SCAF11: variants seen among roughly 807,000 people sequenced by gnomAD.
SCAF11 encodes protein SCAF11.
SCAF11 carries 47 observed loss-of-function variants against 140.5 expected under a neutral mutation model. The ratio of observed to expected loss-of-function variants is 0.33; its 90% confidence interval spans 0.26 to 0.43. SCAF11 has a LOEUF of 0.43. Among genes scored for constraint, SCAF11 ranks in the 20% least tolerant of loss-of-function variants. The probability of loss-of-function intolerance (pLI) is 1.00; values close to 1 mark genes in which losing one functional copy is unlikely to be tolerated. For synonymous variants in SCAF11, 557 were observed against 579.4 expected (o/e 0.96, Z 0.55); for missense variants, 1,645 against 1,705.1 (o/e 0.96, Z 0.62).
In SCAF11 at chr12:45,926,791, C is replaced by G; in HGVS notation, c.2910G>C (p.Trp970Cys). The change falls in exon 11 of 15, where the codon TGG (tryptophan) becomes TGC (cysteine). Residue 970 changes from tryptophan (W) to cysteine (C), a missense_variant. Physicochemically the swap from Trp to Cys is radical, Grantham distance 215. Transcript: ENST00000369367. ...GTGGACATCTCCAACCATCATTTGC[C>G]CATCTTCCCTTCCACCGGGGAGAGT... Reference protein sequence around the residue: ...DSYSPRWKGRWANDGWRCPRG... With the variant: ...DSYSPRWKGRCANDGWRCPRG... The G allele has an allele frequency of 6.2e-7, 1 of 1,614,102 alleles. No individual in the cohort carries two copies. The highest frequency in any genetic ancestry group is 1.3e-5 in the African/African-American group (1 of 75,018).
chr12:45,956,934 T>C (rs1945703419), intron 3 of SCAF11, among the ~76,000 whole-genome samples: 2 of 152,116 alleles, frequency 1.3e-5, no homozygotes, highest in Non-Finnish European at 2.9e-5. Context: ...TACTAAAAAA[T>C]TTCCCAAAGG....
In SCAF11 at chr12:45,928,804, C is replaced by T. The variant is rs1414181148; in HGVS notation, c.897G>A (p.Lys299=). ...TGGTATTTGATGTACCAGAAGTTTG[C>T]TTCTTTTCTTCCCCTTCTTGAGTAT... The part of the protein sequence containing the change: ...LAHTQEGEEK[K]QTSGTSNTRG... The change falls in exon 11 of 15, where the codon AAG becomes AAA. Residue 299 remains lysine (K), a synonymous_variant. Coordinates refer to ENST00000369367, the MANE Select transcript of SCAF11 (RefSeq NM_004719.3). The T allele has an allele frequency of 1.9e-6, 3 of 1,612,756 alleles. No individual in the cohort carries two copies. Among genetic ancestry groups the T allele is most frequent in the South Asian group, 1.1e-5 (1 of 91,048 alleles).
chr12:45,965,482 C>A (rs1474519185), intron 1 of SCAF11, among the ~76,000 whole-genome samples: 1 of 152,070 alleles, frequency 6.6e-6, no homozygotes, highest in South Asian at 2.1e-4. Flanking sequence ...TTATTTTAAT[C>A]AACTTTTTTT....
upstream of SCAF11, chr12:45,991,762 C>T (rs1476891160): frequency 2.3e-5 from 14 of 604,752 alleles, no homozygotes; most frequent in Non-Finnish European, 2.9e-5. Context: ...AGCAAGCTTC[C>T]GGTTGCTCTG....
intron 2 of SCAF11, among the ~76,000 whole-genome samples, chr12:45,962,558 C>T (rs1315511177): frequency 3.3e-5 from 5 of 152,054 alleles, no homozygotes; most frequent in African/African-American, 7.2e-5. Context: ...AAGTATGCAT[C>T]GCTGGCTCAT....
chr12:45,946,836 A>T (rs893044656), intron 5 of SCAF11, among the ~76,000 whole-genome samples: 1 of 152,218 alleles, frequency 6.6e-6, no homozygotes, highest in Non-Finnish European at 1.5e-5. Context: ...ATTTGGTCTA[A>T]TGCAGTTACT....
chr12:45,962,721 A>G (rs1945857654), intron 2 of SCAF11, among the ~76,000 whole-genome samples: 1 of 152,244 alleles, frequency 6.6e-6, no homozygotes, highest in Non-Finnish European at 1.5e-5. Context: ...ACTAAGCCTT[A>G]GAACCGCTTC....
rs1944892571 is a variant in SCAF11 at position 45,927,118 on chromosome 12, T to C, written c.2583A>G (p.Gln861=). ...CCCTTTTTGGAGACCGAGACTGAGATTGCCTCCTTTCTCTTGCAATATCCT... is the reference window on the plus strand; with the variant it reads ...CCCTTTTTGGAGACCGAGACTGAGACTGCCTCCTTTCTCTTGCAATATCCT... ...PKKDIARERR[Q]SQSRSPKRDT... Residue 861 remains glutamine, a synonymous_variant, in exon 11 of 15, where the codon CAA becomes CAG. Coordinates refer to ENST00000369367, the MANE Select transcript of SCAF11 (RefSeq NM_004719.3). 6.2e-7 allele frequency: 1 copy of C among 1,614,176 alleles called. No homozygotes were observed. The highest frequency in any genetic ancestry group is 8.5e-7 in the Non-Finnish European group (1 of 1,180,004).
intron 1 of SCAF11, among the ~76,000 whole-genome samples, chr12:45,966,227 A>G (rs1464246443): frequency 6.6e-6 from 1 of 152,180 alleles, no homozygotes; most frequent in African/African-American, 2.4e-5. Context: ...GAAGAACAGA[A>G]AGCTTAAGAA....
At chr12:45,949,093 C>T (rs147224513) in intron 4 of SCAF11, among the ~76,000 whole-genome samples, 1,852 of 152,190 alleles carry the variant, frequency 0.012, 14 homozygotes, top group Non-Finnish European at 0.018. Flanking sequence ...ATGCGATGAT[C>T]AAATTTGTTT....
At chr12:45,963,184 T>G (rs968129698) in intron 2 of SCAF11, among the ~76,000 whole-genome samples, 4 of 151,644 alleles carry the variant, frequency 2.6e-5, no homozygotes, top group African/African-American at 9.7e-5. Context: ...CAAAAGAGAA[T>G]AAAGGAAAGG....
chr12:45,930,374 A>T (rs532900040), intron 10 of SCAF11, among the ~76,000 whole-genome samples: 1 of 152,220 alleles, frequency 6.6e-6, no homozygotes, highest in African/African-American at 2.4e-5. Flanking sequence ...TTACTGTGAT[A>T]TGCAATCTAT....
Position 45,926,971 on chromosome 12 carries a change from C to G in SCAF11, c.2730G>C (p.Gln910His). The change falls in exon 11 of 15, where the codon CAG becomes CAC. Residue 910 changes from glutamine to histidine, a missense_variant. Physicochemically the swap from Gln to His is conservative, Grantham distance 24. This residue lies in a region of SCAF11 where 1,582 missense variants were observed against 1,609.2 expected (regional missense o/e 0.98). Transcript: ENST00000369367. ...DSSPGEKSRS[Q>H]SRERESDRDG... ...CTCTATCACTTTCTCGTTCTCTGCT[C>G]TGGGACCTGGATTTTTCTCCTGGGG... 6.2e-7 allele frequency: 1 copy of G among 1,612,778 alleles called. No individual in the cohort carries two copies. The highest frequency in any genetic ancestry group is 8.5e-7 in the Non-Finnish European group (1 of 1,180,022).
Position 45,972,951 on chromosome 12 carries a change from G to GATAT in SCAF11, c.-21-8767_-21-8764dup, listed in dbSNP as rs1364511379. On this transcript the variant is annotated intron_variant, in intron 1 of 14. Coordinates refer to ENST00000369367, the MANE Select transcript of SCAF11 (RefSeq NM_004719.3). ...ATAGATATATATAGATATATATATA[G>GATAT]ATATATAGATATATATATAGATATA... Among the ~76,000 whole-genome samples, 453 of 111,260 alleles carry GATAT rather than the reference G, an allele frequency of 4.1e-3. 7 individuals carry two copies. The highest frequency in any genetic ancestry group is 0.025 in the African/African-American group (422 of 17,164). 73.0% of individuals were successfully genotyped at this position (111,260 alleles called of 152,430 possible). A position where few individuals can be genotyped will look rare whatever the true frequency, so the allele number is the denominator to read the frequency against.
chr12:45,987,765 C>A (rs753496745), intron 1 of SCAF11, among the ~76,000 whole-genome samples: 11 of 152,042 alleles, frequency 7.2e-5, no homozygotes, highest in Non-Finnish European at 1.3e-4. Context: ...AGAAGGGAAG[C>A]CATTTGAGAA....
chr12:45,954,652 C>A (rs1297839306), intron 3 of SCAF11: 2 of 148,052 alleles, frequency 1.4e-5, no homozygotes, highest in African/African-American at 5.0e-5. Context: ...TTACTGCAGG[C>A]TTGAACTCCT....
Position 45,990,472 on chromosome 12 carries a change from G to A in SCAF11, c.-141C>T. 1 of 1,231,304 alleles carries A rather than the reference G, an allele frequency of 8.1e-7. No individual in the cohort carries two copies. Among genetic ancestry groups the A allele is most frequent in the Non-Finnish European group, 1.0e-6 (1 of 987,870 alleles). The allele number at this position is 1,231,304 out of a possible 1,614,324, so 76.3% of individuals were successfully genotyped here. On this transcript the variant is annotated 5_prime_UTR_variant, in exon 1 of 15. Coordinates refer to ENST00000369367, the MANE Select transcript of SCAF11 (RefSeq NM_004719.3). ...CCTTCGTCCGCTTTGTGGTGTTACAGGGTCTCTAGGACACTGACTCCGCTG... is the reference window on the plus strand; with the variant it reads ...CCTTCGTCCGCTTTGTGGTGTTACAAGGTCTCTAGGACACTGACTCCGCTG...
rs1944650645 is a variant in SCAF11 at position 45,919,206 on chromosome 12, A to G, written c.*2842T>C. 6.6e-6 allele frequency: 1 copy of G among 152,236 alleles called. No homozygotes were observed. Among genetic ancestry groups the G allele is most frequent in the Admixed American group, 6.5e-5 (1 of 15,292 alleles). The allele number at this position is 152,236 out of a possible 1,614,324, so 9.4% of individuals were successfully genotyped here. ...TTATTTAAGAGTATAATTTCAGTAG[A>G]CAGCACTCCAACTTCATAATACAAA... On this transcript the variant is annotated 3_prime_UTR_variant, in exon 15 of 15. Coordinates refer to ENST00000369367, the MANE Select transcript of SCAF11 (RefSeq NM_004719.3).
intron 6 of SCAF11, among the ~76,000 whole-genome samples, chr12:45,941,704 T>C (rs2136548995): frequency 6.6e-6 from 1 of 152,310 alleles, no homozygotes; most frequent in Non-Finnish European, 1.5e-5. Flanking sequence ...GTCAAGACCT[T>C]GTAGTCAACC....
Sources: gnomAD v4.1 joint callset for allele counts (sites outside exome capture counted in the v4.1 genomes callset) on GRCh38, gnomAD v4.1.1 for gene constraint, gnomAD v4.1.1 regional missense constraint, MANE v1.5 for transcripts, NCBI Gene and HGNC (gene_info 2026-07-23, HGNC 2026-07-21) for gene names.